LARP1B: variants seen among roughly 807,000 people sequenced by gnomAD.
LARP1B encodes La ribonucleoprotein 1B, also known as la-related protein 1B.
Under a neutral mutation model 114.2 loss-of-function variants are expected in LARP1B, and 76 were observed. The observed-to-expected ratio is 0.67, with a 90% CI of 0.55 to 0.81. The LOEUF is 0.81. Among genes scored for constraint, LARP1B ranks in the 30% least tolerant of loss-of-function variants. LARP1B has a pLI of 0.00. For synonymous variants in LARP1B, 345 were observed against 348.0 expected, an observed-to-expected ratio of 0.99 and a Z score of 0.10; for missense variants, 1,014 against 1,075.8, an observed-to-expected ratio of 0.94 and a Z score of 0.80.
chr4:128,104,517 T>A (rs1453626836), intron 8 of LARP1B, among the ~76,000 whole-genome samples: 1 of 152,070 alleles, frequency 6.6e-6, no homozygotes, highest in African/African-American at 2.4e-5. Flanking sequence ...TGATCTCAGC[T>A]CACTGCAACT....
At chr4:128,142,628 C>T (rs929592288) in intron 11 of LARP1B, among the ~76,000 whole-genome samples, 1 of 151,826 alleles carries the variant, frequency 6.6e-6, no homozygotes, top group African/African-American at 2.4e-5. Flanking sequence ...TCTGCCTCAG[C>T]CCCCCGAGTA....
chr4:128,159,042 G>A (rs555065876), intron 11 of LARP1B, among the ~76,000 whole-genome samples: 1 of 151,810 alleles, frequency 6.6e-6, no homozygotes, highest in South Asian at 2.1e-4. Flanking sequence ...GCCTGTCATG[G>A]TGGCATGCAC....
rs902392442 is a variant in LARP1B at position 128,135,232 on chromosome 4, A to G, written c.1524+13044A>G. Among the ~76,000 whole-genome samples, 4 of 152,218 alleles carry G rather than the reference A, an allele frequency of 2.6e-5. No individual in the cohort carries two copies. In the East Asian group the frequency reaches 7.7e-4, roughly 29 times the overall value. ...AAAAATCAGAGGATTATCACCTCAC[A>G]CTGATTAGGATGGTTACCATTTAAA... On this transcript the variant is annotated intron_variant, in intron 11 of 19. Transcript: ENST00000326639.
intron 11 of LARP1B, chr4:128,123,751 A>T (rs1788718061): frequency 3.1e-6 from 3 of 966,160 alleles, no homozygotes; most frequent in Non-Finnish European, 3.7e-6. Context: ...GTTCTGTGGG[A>T]AATGTTTTCA....
At position 128,133,972 on chromosome 4, in the gene LARP1B, C is replaced by T. The variant is rs1055957212; in HGVS notation, c.1524+11784C>T. Among the ~76,000 whole-genome samples the T allele has an allele frequency of 3.3e-5, 5 of 151,078 alleles. No homozygotes were observed. In the South Asian group the frequency reaches 1.0e-3, roughly 32 times the overall value. On this transcript the variant is annotated intron_variant, in intron 11 of 19. Transcript: ENST00000326639. ...TCAGCCTCCCAAAGTGCTGGGATTA[C>T]AGGCGTGGGCCACTGTGCCCAGCCC...
intron 5 of LARP1B, among the ~76,000 whole-genome samples, chr4:128,086,313 A>T (rs1272517365): frequency 6.6e-6 from 1 of 151,228 alleles, no homozygotes; most frequent in South Asian, 2.1e-4. Flanking sequence ...CCGCTTTGTC[A>T]TAGTATTCTT....
chr4:128,160,272 C>T (rs1737824749), intron 11 of LARP1B, among the ~76,000 whole-genome samples: 1 of 152,164 alleles, frequency 6.6e-6, no homozygotes, highest in Non-Finnish European at 1.5e-5. Flanking sequence ...ATGGATCAGT[C>T]TCATAAACAT....
At chr4:128,086,333 C>G (rs1425640693) in intron 5 of LARP1B, among the ~76,000 whole-genome samples, 1 of 151,678 alleles carries the variant, frequency 6.6e-6, no homozygotes, top group Non-Finnish European at 1.5e-5. Context: ...TTGGCATTTG[C>G]ATGTTCCTTT....
chr4:128,211,892 T>C lies in LARP1B; in HGVS notation c.*1839T>C, dbSNP rs924810275. On this transcript the variant is annotated 3_prime_UTR_variant, in exon 20 of 20. Transcript: ENST00000326639. ...TTTGTATTAATTAGTAGTTTTATCATATTTTTATTATAAAAGTAATACATG... is the reference window on the plus strand; with the variant it reads ...TTTGTATTAATTAGTAGTTTTATCACATTTTTATTATAAAAGTAATACATG... The C allele has an allele frequency of 2.8e-6, 1 of 360,674 alleles. No individual in the cohort carries two copies. Among genetic ancestry groups the C allele is most frequent in the African/African-American group, 2.2e-5 (1 of 45,530 alleles). The allele number at this position is 360,674 out of a possible 1,614,324, so 22.3% of individuals were successfully genotyped here.
chr4:128,158,016 ACT>A lies in LARP1B; in HGVS notation c.1525-4175_1525-4174del, dbSNP rs1224194345. Among the ~76,000 whole-genome samples, 9 of 152,126 alleles carry A rather than the reference ACT, an allele frequency of 5.9e-5. 1 individual carries two copies. The highest frequency in any genetic ancestry group is 1.2e-4 in the Non-Finnish European group (8 of 67,998). ...CAATAAACACAACAACGCTGGTGTA[ACT>A]CTATTTACTCTATCAGGCAAAGTAG... On this transcript the variant is annotated intron_variant, in intron 11 of 19. Transcript: ENST00000326639.
chr4:128,209,866 G>A lies in LARP1B; in HGVS notation c.2558G>A (p.Ser853Asn), dbSNP rs1758660047. ...TTTCATCATTTGCAGCCCCCTATTA[G>A]TGATGAATTTGGAAGAAAAAGACAT... is the stretch of plus-strand genomic sequence containing the variant. ...LEDFRVDPPI[S>N]DEFGRKRHSS... Residue 853 changes from serine to asparagine, a missense_variant, in exon 20 of 20, where the codon AGT becomes AAT. By Grantham distance (46) the Ser-to-Asn change is conservative. Transcript: ENST00000326639. 1.2e-6 allele frequency: 2 copies of A among 1,613,288 alleles called. No homozygotes were observed. The highest frequency in any genetic ancestry group is 3.3e-4 in the Middle Eastern group (2 of 5,976).
At chr4:128,111,237 G>A (rs996028081) in intron 9 of LARP1B, among the ~76,000 whole-genome samples, 1 of 151,776 alleles carries the variant, frequency 6.6e-6, no homozygotes, top group Non-Finnish European at 1.5e-5. Context: ...TAGTAGAGAC[G>A]GGGTTTCACC....
intron 10 of LARP1B, among the ~76,000 whole-genome samples, chr4:128,115,365 C>T (rs1785444360): frequency 6.6e-6 from 1 of 152,260 alleles, no homozygotes; most frequent in South Asian, 2.1e-4. Context: ...GAGTTCGGGG[C>T]CCCCTGGGCA....
chr4:128,122,528 A>T (rs1468205288), intron 11 of LARP1B: 3 of 1,530,690 alleles, frequency 2.0e-6, no homozygotes, highest in African/African-American at 1.4e-5. Context: ...AATAAAAACA[A>T]GTTACTGTGG....
downstream of LARP1B, among the ~76,000 whole-genome samples, chr4:128,214,311 G>C (rs1379546535): frequency 6.7e-6 from 1 of 148,802 alleles, no homozygotes; most frequent in African/African-American, 2.5e-5. Flanking sequence ...ACAGCTCAAG[G>C]AGGCCTGCCT....
chr4:128,114,984 C>A (rs1438544953), intron 10 of LARP1B, among the ~76,000 whole-genome samples: 1 of 151,892 alleles, frequency 6.6e-6, no homozygotes, highest in Admixed American at 6.6e-5. Context: ...ATTGCCCAGG[C>A]TGGAGTGCAG....
At chr4:128,085,419 G>A (rs1256590813) in intron 5 of LARP1B, among the ~76,000 whole-genome samples, 1 of 143,062 alleles carries the variant, frequency 7.0e-6, no homozygotes, top group Admixed American at 7.3e-5. Flanking sequence ...AGGCTGGAGT[G>A]CAGTGGGACA....
chr4:128,180,984 T>C (rs1404133509), intron 15 of LARP1B, among the ~76,000 whole-genome samples: 1 of 152,196 alleles, frequency 6.6e-6, no homozygotes, highest in Non-Finnish European at 1.5e-5. Context: ...TGTATCTTTT[T>C]CTACCTTTTT....
At position 128,199,539 on chromosome 4, in the gene LARP1B, T is replaced by C; in HGVS notation, c.2104T>C (p.Leu702=). 2.5e-6 allele frequency: 4 copies of C among 1,601,156 alleles called. No homozygotes were observed. The highest frequency in any genetic ancestry group is 3.4e-6 in the Non-Finnish European group (4 of 1,172,976). The stretch of plus-strand genomic sequence containing the variant: ...GTTCCAGCATCCTTCTCATGAACTT[T>C]TGAAGGAAAATGGCTTTACCCAACA... ...PKFQHPSHEL[L]KENGFTQQVY... Residue 702 remains leucine (L), a synonymous_variant, in exon 16 of 20, where the codon TTG becomes CTG. Transcript: ENST00000326639.
Sources: gnomAD v4.1 joint callset for allele counts (sites outside exome capture counted in the v4.1 genomes callset) on GRCh38, gnomAD v4.1.1 for gene constraint, MANE v1.5 for transcripts, NCBI Gene and HGNC (gene_info 2026-07-23, HGNC 2026-07-21) for gene names.